The following ATF6 variants were observed in gnomAD, a reference collection of about 807,000 sequenced individuals.
ATF6 encodes cyclic AMP-dependent transcription factor ATF-6 alpha.
In ATF6, 53 loss-of-function variants were observed where a neutral mutation model predicts 83.6. The ratio of observed to expected loss-of-function variants is 0.63; its 90% CI spans 0.51 to 0.80. The LOEUF is 0.80. ATF6 is among the 30% of genes least tolerant of loss of function. The probability of loss-of-function intolerance (pLI) is 0.00; values close to 1 mark genes in which losing one functional copy is unlikely to be tolerated. For synonymous variants in ATF6, 288 were observed against 285.8 expected, an observed-to-expected ratio of 1.01 and a Z score of -0.08; for missense variants, 744 against 797.9, an observed-to-expected ratio of 0.93 and a Z score of 0.81.
intron 14 of ATF6, among the ~76,000 whole-genome samples, chr1:161,900,255 G>A (rs573260919): frequency 2.0e-5 from 3 of 152,210 alleles, no homozygotes; most frequent in East Asian, 3.9e-4. Flanking sequence ...CTGTAGGAAC[G>A]TAACTCTCAT....
At chr1:161,794,099 G>A (rs1684950960) in intron 6 of ATF6, among the ~76,000 whole-genome samples, 1 of 152,036 alleles carries the variant, frequency 6.6e-6, no homozygotes, top group African/African-American at 2.4e-5. Context: ...TAGAGACAGG[G>A]TTTCACCATG....
At chr1:161,793,844 T>C (rs1041301659) in intron 6 of ATF6, among the ~76,000 whole-genome samples, 1 of 152,218 alleles carries the variant, frequency 6.6e-6, no homozygotes, top group African/African-American at 2.4e-5. Context: ...TACTTTCCTG[T>C]CATCTGAAGA....
At chr1:161,780,936 G>A (rs1328142571) in intron 2 of ATF6, among the ~76,000 whole-genome samples, 1 of 152,040 alleles carries the variant, frequency 6.6e-6, no homozygotes, top group Non-Finnish European at 1.5e-5. Context: ...GGCTGGTCTT[G>A]AACCCCTGGG....
chr1:161,802,312 TA>T, intron 7 of ATF6, 40 bp downstream of exon 7: 1 of 1,565,302 alleles, frequency 6.4e-7, no homozygotes, highest in South Asian at 1.1e-5. Context: ...ATGCCTGATT[TA>T]AAAACCAACA....
At chr1:161,899,658 C>A (rs1194491791) in intron 14 of ATF6, among the ~76,000 whole-genome samples, 1 of 152,016 alleles carries the variant, frequency 6.6e-6, no homozygotes, top group African/African-American at 2.4e-5. Flanking sequence ...ACATTTTAAA[C>A]AGTTTAAATA....
chr1:161,824,456 T>A (rs528247297), intron 9 of ATF6, among the ~76,000 whole-genome samples: 131 of 151,928 alleles, frequency 8.6e-4, no homozygotes, highest in African/African-American at 3.0e-3. Context: ...TAAATGTCTA[T>A]CCCAGCTCCT....
chr1:161,925,956 A>G (rs142635127), intron 15 of ATF6, among the ~76,000 whole-genome samples: 8 of 152,314 alleles, frequency 5.3e-5, no homozygotes, highest in African/African-American at 1.9e-4. Context: ...TAAAGTGCAC[A>G]TGGATCAAGG....
rs72157843 is a variant in ATF6, at chr1:161,791,062, ATGTG to A, written c.355-328_355-325del. 2.2e-3 allele frequency among the ~76,000 whole-genome samples: 303 copies of A among 137,224 alleles called. 3 individuals are homozygous for A. The highest frequency in any genetic ancestry group is 0.011 in the South Asian group (48 of 4,422). 90.0% of individuals were successfully genotyped at this position (137,224 alleles called of 152,430 possible). A position where few individuals can be genotyped will look rare whatever the true frequency, so the allele number is the denominator to read the frequency against. On this transcript the variant is annotated intron_variant, in intron 4 of 15. Transcript: ENST00000367942. The stretch of plus-strand genomic sequence containing the variant: ...TGTATGACTACGAACCAAGTTTTAT[ATGTG>A]TGTGTGTGTGTGTGTGTCTCTGTGT...
At chr1:161,788,054 A>T (rs757950810) in intron 4 of ATF6, among the ~76,000 whole-genome samples, 2 of 152,196 alleles carry the variant, frequency 1.3e-5, no homozygotes, top group African/African-American at 4.8e-5. Context: ...TTGCGGACCC[A>T]TGTGAGAAAT....
chr1:161,848,448 G>T (rs1686533600), intron 10 of ATF6, among the ~76,000 whole-genome samples: 1 of 152,008 alleles, frequency 6.6e-6, no homozygotes, highest in Non-Finnish European at 1.5e-5. Context: ...AATAAAAAAT[G>T]AGTAGATTCT....
intron 14 of ATF6, among the ~76,000 whole-genome samples, chr1:161,888,657 T>C (rs1687482571): frequency 6.6e-6 from 1 of 152,202 alleles, no homozygotes; most frequent in African/African-American, 2.4e-5. Flanking sequence ...TCTTGATATG[T>C]CTCTTCAACC....
chr1:161,869,135 G>T (rs1000788118), intron 14 of ATF6, among the ~76,000 whole-genome samples: 2 of 151,944 alleles, frequency 1.3e-5, no homozygotes, highest in Non-Finnish European at 2.9e-5. Context: ...CAGAGGTTTA[G>T]TCCCACGGAT....
rs1042488900 is a variant in ATF6 at position 161,802,188 on chromosome 1, C to T, written c.825C>T (p.Ala275=). The part of the protein sequence containing the change: ...LPNHVVNVVP[A]PSANSPVNGK... ...ATCACGTGGTGAATGTGGTACCAGCCCCTTCAGCGAATAGCCCAGTGAATG... is the reference window on the plus strand; with the variant it reads ...ATCACGTGGTGAATGTGGTACCAGCTCCTTCAGCGAATAGCCCAGTGAATG... Residue 275 remains alanine (A), a synonymous_variant, in exon 7 of 16, where the codon GCC becomes GCT. Transcript: ENST00000367942. 6.2e-7 allele frequency: 1 copy of T among 1,614,024 alleles called. No individual in the cohort carries two copies. Among genetic ancestry groups the T allele is most frequent in the Non-Finnish European group, 8.5e-7 (1 of 1,179,982 alleles).
intron 14 of ATF6, among the ~76,000 whole-genome samples, chr1:161,887,518 CAG>C (rs964711844): frequency 2.0e-5 from 3 of 152,190 alleles, no homozygotes; most frequent in African/African-American, 7.2e-5. Context: ...ATCAGAGCAT[CAG>C]AGTTTTAAGA....
chr1:161,939,982 C>T (rs538415161), intron 15 of ATF6, among the ~76,000 whole-genome samples: 2 of 152,300 alleles, frequency 1.3e-5, no homozygotes, highest in East Asian at 3.9e-4. Flanking sequence ...GAGCTAATGT[C>T]TCCCAGATTT....
chr1:161,820,824 GT>G (rs962258067), intron 8 of ATF6, among the ~76,000 whole-genome samples: 4 of 151,912 alleles, frequency 2.6e-5, no homozygotes, highest in African/African-American at 9.7e-5. Context: ...TGGCTGCTGT[GT>G]TTTTTTCTCT....
intron 7 of ATF6, among the ~76,000 whole-genome samples, chr1:161,817,385 A>G (rs951551199): frequency 6.6e-6 from 1 of 152,200 alleles, no homozygotes; most frequent in African/African-American, 2.4e-5. Flanking sequence ...GGACACTGGC[A>G]TTCTAAGTAA....
chr1:161,778,109 A>G (rs779552122), intron 1 of ATF6, 135 bp from the exon 2 acceptor site: 1 of 593,652 alleles, frequency 1.7e-6, no homozygotes, highest in Non-Finnish European at 2.9e-6. Flanking sequence ...TTGCTTATTC[A>G]CATTACTGGA....
intron 15 of ATF6, among the ~76,000 whole-genome samples, chr1:161,944,164 A>G (rs1688704286): frequency 6.6e-6 from 1 of 152,186 alleles, no homozygotes; most frequent in African/African-American, 2.4e-5. Flanking sequence ...CAGAATCCGA[A>G]AAAGTTGTAA....
Sources: gnomAD v4.1 joint callset for allele counts (sites outside exome capture counted in the v4.1 genomes callset) on GRCh38, gnomAD v4.1.1 for gene constraint, MANE v1.5 for transcripts, NCBI Gene and HGNC (gene_info 2026-07-23, HGNC 2026-07-21) for gene names.